Variants in PCDHGA8 observed in about 807,000 individuals in gnomAD.
PCDHGA8 encodes protocadherin gamma subfamily A, 8.
Under a neutral mutation model 59.2 loss-of-function variants are expected in PCDHGA8, and 45 were observed. The observed-to-expected ratio is 0.76, with a 90% CI of 0.60 to 0.98. PCDHGA8 has a LOEUF of 0.98. Ranked by LOEUF, PCDHGA8 falls within the 50% of genes least tolerant of loss-of-function variation. The pLI is 0.00. For synonymous variants in PCDHGA8, 531 were observed against 519.0 expected (o/e 1.02, Z -0.32); for missense variants, 1,257 against 1,196.2 (o/e 1.05, Z -0.75).
chr5:141,428,200 G>A (rs1000165985), intron 1 of PCDHGA8: 3 of 1,363,858 alleles, frequency 2.2e-6, no homozygotes, highest in East Asian at 2.3e-5. Flanking sequence ...TCTCTGCGCC[G>A]CTACGCTTCA....
intron 1 of PCDHGA8, chr5:141,397,962 A>G (rs968992832): frequency 2.0e-5 from 21 of 1,036,912 alleles, no homozygotes; most frequent in Non-Finnish European, 2.8e-5. Flanking sequence ...CCCAGCTCAG[A>G]CTCCCCAGCG....
chr5:141,427,829 G>C, intron 1 of PCDHGA8: 1 of 1,538,520 alleles, frequency 6.5e-7, no homozygotes. Flanking sequence ...TGGTCGCGCA[G>C]CGTGCCTTCG....
chr5:141,419,103 C>A, intron 1 of PCDHGA8: 1 of 1,613,886 alleles, frequency 6.2e-7, no homozygotes, highest in South Asian at 1.1e-5. Flanking sequence ...CGGGAGCAGA[C>A]CCCAGAGTAC....
chr5:141,414,330 G>A (rs1472752550), intron 1 of PCDHGA8: 2 of 1,613,714 alleles, frequency 1.2e-6, no homozygotes, highest in Non-Finnish European at 1.7e-6. Flanking sequence ...AGAATGGACA[G>A]GTAACCTGTT....
chr5:141,402,845 C>T (rs1273253699), intron 1 of PCDHGA8: 3 of 1,405,122 alleles, frequency 2.1e-6, no homozygotes, highest in Non-Finnish European at 2.8e-6. Flanking sequence ...AAAACTCAGC[C>T]TCTTTCTTCT....
chr5:141,427,260 AC>A (rs1388196814), intron 1 of PCDHGA8: 1 of 456,770 alleles, frequency 2.2e-6, no homozygotes, highest in Admixed American at 2.3e-5. Flanking sequence ...TGGAGGCATG[AC>A]CAGCGAATGT....
At chr5:141,410,668 T>C in intron 1 of PCDHGA8, 2 of 1,565,640 alleles carry the variant, frequency 1.3e-6, no homozygotes, top group African/African-American at 2.7e-5. Context: ...TCTACTAGTT[T>C]CTCATATTTT....
intron 1 of PCDHGA8, chr5:141,418,910 T>C: frequency 6.2e-7 from 1 of 1,613,936 alleles, no homozygotes; most frequent in East Asian, 2.2e-5. Flanking sequence ...AATCATCACG[T>C]CACTCTCTGA....
In PCDHGA8 at chr5:141,404,489, G is replaced by A. The variant is rs867768935; in HGVS notation, c.2424+9252G>A. 30 of 1,613,796 alleles carry A rather than the reference G, an allele frequency of 1.9e-5. No individual in the cohort carries two copies. The highest frequency in any genetic ancestry group is 1.3e-4 in the African/African-American group (10 of 75,048). On this transcript the variant is annotated intron_variant, in intron 1 of 3. Transcript: ENST00000398604. ...TGTCTCTATTAACTCAGACACTGGT[G>A]TGCTGTATGCTCTGTGCTCCTTTGA...
chr5:141,469,410 A>G (rs2099200490), intron 1 of PCDHGA8, among the ~76,000 whole-genome samples: 1 of 152,128 alleles, frequency 6.6e-6, no homozygotes, highest in Non-Finnish European at 1.5e-5. Context: ...CCCCGTTTCT[A>G]CTAAAAATAT....
intron 1 of PCDHGA8, among the ~76,000 whole-genome samples, chr5:141,460,050 C>T (rs1477206197): frequency 6.6e-6 from 1 of 152,064 alleles, no homozygotes; most frequent in Non-Finnish European, 1.5e-5. Context: ...TGCACTCCAG[C>T]CTGGGCAACA....
chr5:141,461,639 C>T (rs1041604977), intron 1 of PCDHGA8, among the ~76,000 whole-genome samples: 12 of 152,088 alleles, frequency 7.9e-5, no homozygotes, highest in Non-Finnish European at 1.6e-4. Flanking sequence ...GCAATTTCTT[C>T]TTTGACCCAT....
In PCDHGA8 at chr5:141,432,716, C is replaced by G. The variant is rs1417017747; in HGVS notation, c.2424+37479C>G. ...GGCCGTCCAGGACCACGGCCAGCCC[C>G]CTCTCTCCGCCACTGTCACGCTCAC... On this transcript the variant is annotated intron_variant, in intron 1 of 3. Coordinates refer to ENST00000398604, the MANE Select transcript of PCDHGA8 (RefSeq NM_032088.2). This position sits in a 1 kb window ranked among gnomAD's most constrained non-coding sequence, Gnocchi z 6.0. 5.6e-6 allele frequency: 9 copies of G among 1,613,912 alleles called. No individual in the cohort carries two copies. Among genetic ancestry groups the G allele is most frequent in the Non-Finnish European group, 7.6e-6 (9 of 1,179,990 alleles).
At chr5:141,402,398 ATTG>A (rs1159125909) in intron 1 of PCDHGA8, among the ~76,000 whole-genome samples, 19 of 152,216 alleles carry the variant, frequency 1.2e-4, no homozygotes, top group African/African-American at 4.6e-4. Context: ...ACTTCAGAAA[ATTG>A]TTAAGATACA....
chr5:141,508,824 G>A (rs893436748), intron 3 of PCDHGA8, among the ~76,000 whole-genome samples: 9 of 151,952 alleles, frequency 5.9e-5, no homozygotes, highest in Admixed American at 3.3e-4. Flanking sequence ...CCAGATCTGG[G>A]CCCCCCTCCC....
At chr5:141,413,316 T>C (rs769316460) in intron 1 of PCDHGA8, 13 of 1,613,976 alleles carry the variant, frequency 8.1e-6, no homozygotes, top group Non-Finnish European at 1.1e-5. Flanking sequence ...AGAAAGGCTC[T>C]TTCGTGGGCA....
At chr5:141,423,091 G>C (rs1243671863) in intron 1 of PCDHGA8, 11 of 1,613,908 alleles carry the variant, frequency 6.8e-6, no homozygotes, top group South Asian at 2.2e-5. Context: ...CGCGGTGGGG[G>C]AGCACACGGG....
rs143638501 is a variant in PCDHGA8, at chr5:141,486,817, T to C, written c.2425-7990T>C. On this transcript the variant is annotated intron_variant, in intron 1 of 3. Coordinates refer to ENST00000398604, the MANE Select transcript of PCDHGA8 (RefSeq NM_032088.2). This position sits in a 1 kb window ranked among gnomAD's most constrained non-coding sequence, Gnocchi z 5.0. ...GGGGCAACCCACCCCTTAGCAGCACTGTAACAGTTCGTCTATTTGTGCTGG... is the reference window on the plus strand; with the variant it reads ...GGGGCAACCCACCCCTTAGCAGCACCGTAACAGTTCGTCTATTTGTGCTGG... 153 of 1,614,220 alleles carry C rather than the reference T, an allele frequency of 9.5e-5. 1 individual carries two copies. In the African/African-American group the frequency reaches 1.4e-3, roughly 15 times the overall value.
At chr5:141,414,781 G>A (rs755811755) in intron 1 of PCDHGA8, 1 of 1,614,230 alleles carries the variant, frequency 6.2e-7, no homozygotes, top group Admixed American at 1.7e-5. Context: ...ACAGATGCAG[G>A]TGACAGCCAG....
Sources: gnomAD v4.1 joint callset for allele counts (sites outside exome capture counted in the v4.1 genomes callset) on GRCh38, gnomAD v4.1.1 for gene constraint, Gnocchi (gnomAD v3.1) non-coding constraint, MANE v1.5 for transcripts, NCBI Gene and HGNC (gene_info 2026-07-23, HGNC 2026-07-21) for gene names.